SUMF2: variants seen among roughly 807,000 people sequenced by gnomAD.
SUMF2 encodes inactive C-alpha-formylglycine-generating enzyme 2.
SUMF2 carries 45 observed loss-of-function variants against 44.8 expected under a neutral mutation model. That is an observed-to-expected ratio of 1.00 (90% CI 0.79 to 1.29). The LOEUF is 1.29. SUMF2 is among the 50% of genes most tolerant of loss of function. SUMF2 has a pLI of 0.00. For missense variants in SUMF2, 418 were observed against 389.9 expected, an observed-to-expected ratio of 1.07 and a Z score of -0.61; for synonymous variants, 148 against 150.4, an observed-to-expected ratio of 0.98 and a Z score of 0.12.
At chr7:56,078,217 CCATGAACTGGCTGTTGGGACCAT>C in intron 7 of SUMF2, 31 bp downstream of exon 7, 1 of 1,593,906 alleles carries the variant, frequency 6.3e-7, no homozygotes. Flanking sequence ...GCGGCTGTGC[CCATGAACTGGCTGTTGGGACCAT>C]CATGTCTGAG....
chr7:56,076,853 G>A lies in SUMF2; in HGVS notation c.555G>A (p.Gly185=), dbSNP rs777709690. The change falls in exon 6 of 9, where the codon GGG becomes GGA. Residue 185 remains glycine (G), a synonymous_variant. Transcript: ENST00000434526. ...GGLKGQVYPW[G]NWFQPNRTNL... ...TCGCAGGTCAAGTTTACCCATGGGGGAACTGGTTCCAGCCAAACCGCACCA... is the reference window on the plus strand; with the variant it reads ...TCGCAGGTCAAGTTTACCCATGGGGAAACTGGTTCCAGCCAAACCGCACCA... 4.4e-6 allele frequency: 7 copies of A among 1,602,416 alleles called. No homozygotes were observed. The highest frequency in any genetic ancestry group is 6.0e-6 in the Non-Finnish European group (7 of 1,174,290).
At chr7:56,084,498 C>T (rs547019970), downstream of SUMF2, among the ~76,000 whole-genome samples, 9 of 151,752 alleles carry the variant, frequency 5.9e-5, no homozygotes, top group East Asian at 7.8e-4. Context: ...CTCAGCCTCC[C>T]GAGTAGCTGG....
chr7:56,081,226 T>C (rs1414225480), downstream of SUMF2: 1 of 1,613,668 alleles, frequency 6.2e-7, no homozygotes, highest in Admixed American at 1.7e-5. The surrounding 1 kb of genome is among the most constrained non-coding windows in gnomAD (Gnocchi z 4.6). Context: ...GATGACGATC[T>C]CCCGGGTCAC....
intron 5 of SUMF2, 112 bp from the exon 6 acceptor site, chr7:56,076,722 T>C (rs1029027984): frequency 2.0e-6 from 2 of 1,017,916 alleles, no homozygotes; most frequent in African/African-American, 3.3e-5. Context: ...TTCACTCTTT[T>C]TTCTCATCAC....
downstream of SUMF2, chr7:56,081,595 G>T: frequency 1.9e-6 from 3 of 1,609,204 alleles, no homozygotes; most frequent in Non-Finnish European, 1.7e-6. This position sits in a 1 kb window ranked among gnomAD's most constrained non-coding sequence, Gnocchi z 4.6. Context: ...TTTGCACTTA[G>T]GGAGCTGGCG....
intron 2 of SUMF2, among the ~76,000 whole-genome samples, chr7:56,072,079 G>A (rs1312139294): frequency 5.4e-5 from 8 of 147,030 alleles, no homozygotes; most frequent in African/African-American, 2.0e-4. Flanking sequence ...CTGCACTCCA[G>A]CCTGGGCAAC....
intron 6 of SUMF2, among the ~76,000 whole-genome samples, chr7:56,077,138 C>T (rs1795615912): frequency 6.6e-6 from 1 of 151,236 alleles, no homozygotes; most frequent in Non-Finnish European, 1.5e-5. Flanking sequence ...CCTCCGCCTC[C>T]CAGGTTCAAG....
intron 1 of SUMF2, among the ~76,000 whole-genome samples, chr7:56,067,655 G>A (rs569160291): frequency 6.6e-6 from 1 of 152,214 alleles, no homozygotes; most frequent in Non-Finnish European, 1.5e-5. Context: ...CACTTTGGGA[G>A]GCTGAGGTGG....
chr7:56,083,559 CAT>C (rs541130795), downstream of SUMF2: 392 of 1,496,478 alleles, frequency 2.6e-4, 4 homozygotes, highest in South Asian at 4.3e-3. Context: ...CCAGCCCAGA[CAT>C]GTGCACGCCC....
chr7:56,087,754 G>A, the SUMF2 span: 14 of 1,612,620 alleles, frequency 8.7e-6, no homozygotes, highest in Admixed American at 6.7e-5. Flanking sequence ...TGGATGCATC[G>A]CCTGACCACA....
chr7:56,083,446 G>A (rs959217733), downstream of SUMF2: 45 of 1,613,826 alleles, frequency 2.8e-5, no homozygotes, highest in Non-Finnish European at 3.8e-5. Context: ...ATCTTTCTAG[G>A]GTGGGGCACA....
intron 2 of SUMF2, 111 bp from the exon 3 acceptor site, chr7:56,072,884 ACT>A: frequency 1.4e-6 from 1 of 702,448 alleles, no homozygotes; most frequent in East Asian, 2.5e-5. Flanking sequence ...AATCATGAAC[ACT>A]CTGTGGTGTA....
Position 56,074,208 on chromosome 7 carries a change from T to A in SUMF2, c.374T>A (p.Phe125Tyr), listed in dbSNP as rs749177757. 1.2e-6 allele frequency: 2 copies of A among 1,613,826 alleles called. No individual in the cohort carries two copies. The highest frequency in any genetic ancestry group is 8.5e-7 in the Non-Finnish European group (1 of 1,179,970). The change falls in exon 4 of 9, where the codon TTT becomes TAT. Residue 125 changes from phenylalanine (F) to tyrosine (Y), a missense_variant. By Grantham distance (22) the Phe-to-Tyr change is conservative. Transcript: ENST00000434526. Reference protein sequence around the residue: ...VLWWLPVEKAFWRQPAGPGSG... With the variant: ...VLWWLPVEKAYWRQPAGPGSG... ...TGGTGGCTTCCAGTGGAAAAGGCAT[T>A]TTGGAGGCAGGTAAGGGCTGATTCC...
downstream of SUMF2, chr7:56,082,319 GCAGTGGCT>G (rs1796043896): frequency 2.4e-6 from 3 of 1,258,886 alleles, no homozygotes; most frequent in Non-Finnish European, 3.4e-6. Flanking sequence ...CAGGCTGGCC[GCAGTGGCT>G]CATTTCTATA....
At chr7:56,078,967 G>T in intron 8 of SUMF2, 1 of 616,414 alleles carries the variant, frequency 1.6e-6, no homozygotes, top group Non-Finnish European at 3.0e-6. Context: ...CACAGTCTCA[G>T]CTCACTACAG....
At chr7:56,073,241 GA>G in intron 3 of SUMF2, 130 bp downstream of exon 3, 1 of 743,824 alleles carries the variant, frequency 1.3e-6, no homozygotes. Context: ...GGAAGCAAGA[GA>G]AACTCACCAT....
intron 1 of SUMF2, among the ~76,000 whole-genome samples, chr7:56,065,190 C>CA (rs60513641): frequency 0.022 from 1,198 of 55,250 alleles, 23 homozygotes; most frequent in African/African-American, 0.05. Context: ...GACTCCGTCT[C>CA]AAAAAAAAAA....
At position 56,078,352 on chromosome 7, in the gene SUMF2, G is replaced by GT. The variant is rs747498287; in HGVS notation, c.677-11dup. On this transcript the variant is annotated splice_polypyrimidine_tract_variant and intron_variant, in intron 7 of 8. Coordinates refer to ENST00000434526, the MANE Select transcript of SUMF2 (RefSeq NM_015411.4). Reference sequence around the variant, plus strand: ...GGTCCCAGCCTGGCCTGACCCGCCGGTGGGGCTGCAGGGCTCTATGACCTC... The same window carrying GT: ...GGTCCCAGCCTGGCCTGACCCGCCGGTTGGGGCTGCAGGGCTCTATGACCTC... The GT allele has an allele frequency of 8.8e-6, 14 of 1,587,690 alleles. No individual in the cohort carries two copies. The South Asian group carries it at 1.5e-4, about 17-fold the overall frequency.
intron 2 of SUMF2, 56 bp downstream of exon 2, chr7:56,068,694 T>C (rs1489799433): frequency 1.3e-6 from 2 of 1,563,602 alleles, no homozygotes; most frequent in Admixed American, 2.1e-5. Flanking sequence ...TCATTCTTTT[T>C]TCTTTCTTTT....
Sources: gnomAD v4.1 joint callset for allele counts (sites outside exome capture counted in the v4.1 genomes callset) on GRCh38, gnomAD v4.1.1 for gene constraint, Gnocchi (gnomAD v3.1) non-coding constraint, MANE v1.5 for transcripts, NCBI Gene and HGNC (gene_info 2026-07-23, HGNC 2026-07-21) for gene names.